The following KCNH8 variants were observed in gnomAD, a reference collection of about 807,000 sequenced individuals.
KCNH8 encodes potassium voltage-gated channel subfamily H member 8, also known as voltage-gated delayed rectifier potassium channel KCNH8.
A neutral mutation model predicts 103.6 loss-of-function variants in KCNH8; 70 were observed. The observed-to-expected ratio is 0.68, with a 90% confidence interval of 0.56 to 0.82. KCNH8 has a LOEUF of 0.82. Ranked by LOEUF, KCNH8 falls within the 40% of genes least tolerant of loss-of-function variation. The pLI, the probability that KCNH8 is intolerant of heterozygous loss-of-function variation, is 0.00. For synonymous variants in KCNH8, 498 were observed against 489.4 expected (o/e 1.02, Z -0.23); for missense variants, 1,217 against 1,329.9 (o/e 0.92, Z 1.32).
In KCNH8 at chr3:19,470,578, G is replaced by T. The variant is rs546162541; in HGVS notation, c.2040+13596G>T. Among the ~76,000 whole-genome samples, 279 of 152,270 alleles carry T rather than the reference G, an allele frequency of 1.8e-3. 1 individual carries two copies. The highest frequency in any genetic ancestry group is 6.5e-3 in the African/African-American group (271 of 41,532). On this transcript the variant is annotated intron_variant, in intron 11 of 15. Coordinates refer to ENST00000328405, the MANE Select transcript of KCNH8 (RefSeq NM_144633.3). ...GCCCATCCAGCTTTCACTAATTATT[G>T]TGAATGGCAGAGTGATCGGGGGCTT...
In KCNH8 at chr3:19,202,761, C is replaced by T. The variant is rs11917735; in HGVS notation, c.77-50893C>T. 7.6e-3 allele frequency among the ~76,000 whole-genome samples: 1,159 copies of T among 152,042 alleles called. 13 individuals are homozygous for T. The highest frequency in any genetic ancestry group is 0.026 in the African/African-American group (1,068 of 41,462). On this transcript the variant is annotated intron_variant, in intron 1 of 15. Transcript: ENST00000328405. ...AACCTTTTTTATTTTGGAATCAACC[C>T]TTTTGGCTTCAATAACAGAGTAAAA...
At chr3:19,497,645 T>C (rs1260079340) in intron 11 of KCNH8, among the ~76,000 whole-genome samples, 1 of 152,162 alleles carries the variant, frequency 6.6e-6, no homozygotes, top group Admixed American at 6.5e-5. Flanking sequence ...TGCTGAGGGT[T>C]ATTTTATGTC....
At chr3:19,479,519 G>A (rs1049414784) in intron 11 of KCNH8, among the ~76,000 whole-genome samples, 1 of 152,106 alleles carries the variant, frequency 6.6e-6, no homozygotes, top group African/African-American at 2.4e-5. Context: ...TGAAATGTCA[G>A]ATTTGTTTAC....
At chr3:19,506,565 T>C (rs1192166911) in intron 11 of KCNH8, among the ~76,000 whole-genome samples, 1 of 152,136 alleles carries the variant, frequency 6.6e-6, no homozygotes, top group Non-Finnish European at 1.5e-5. Flanking sequence ...CTCTCAGTGC[T>C]CTGACAGTGT....
rs540393388 is a variant in KCNH8, at chr3:19,319,823, T to C, written c.443-22764T>C. On this transcript the variant is annotated intron_variant, in intron 3 of 15. Coordinates refer to ENST00000328405, the MANE Select transcript of KCNH8 (RefSeq NM_144633.3). ...GCATGGGATATGTTTCCGTTTGTGT[T>C]GTCTATGATTTCTTTCAGCAGTGTT... Among the ~76,000 whole-genome samples the C allele has an allele frequency of 2.0e-5, 3 of 151,922 alleles. No individual in the cohort carries two copies. The East Asian group carries it at 5.8e-4, about 29-fold the overall frequency.
intron 11 of KCNH8, among the ~76,000 whole-genome samples, chr3:19,478,056 C>G (rs2068012438): frequency 6.6e-6 from 1 of 152,110 alleles, no homozygotes; most frequent in South Asian, 2.1e-4. Flanking sequence ...GGATAATGGC[C>G]TCCAGTTACA....
chr3:19,307,650 G>T (rs2065147302), intron 3 of KCNH8, among the ~76,000 whole-genome samples: 1 of 151,884 alleles, frequency 6.6e-6, no homozygotes, highest in Non-Finnish European at 1.5e-5. Flanking sequence ...ATCAACTTAG[G>T]TGTCTAAAAA....
At chr3:19,150,520 A>T (rs2063118828) in intron 1 of KCNH8, among the ~76,000 whole-genome samples, 1 of 152,188 alleles carries the variant, frequency 6.6e-6, no homozygotes, top group Admixed American at 6.5e-5. Context: ...CTTGGGAATT[A>T]CTGCAGTGAT....
At chr3:19,514,035 A>G (rs899168127) in intron 13 of KCNH8, among the ~76,000 whole-genome samples, 25 of 151,850 alleles carry the variant, frequency 1.6e-4, no homozygotes, top group African/African-American at 6.1e-4. Flanking sequence ...GTATTTTGCG[A>G]GATAATTTCA....
At chr3:19,433,533 T>TA (rs1224094733) in intron 7 of KCNH8, among the ~76,000 whole-genome samples, 2 of 152,160 alleles carry the variant, frequency 1.3e-5, no homozygotes, top group Admixed American at 6.5e-5. Flanking sequence ...TATTTAAGTT[T>TA]AAAAAACTGA....
intron 7 of KCNH8, among the ~76,000 whole-genome samples, chr3:19,412,581 C>T (rs187138887): frequency 2.6e-5 from 4 of 151,866 alleles, no homozygotes; most frequent in African/African-American, 9.6e-5. Context: ...AAAGAAACTA[C>T]CAACAGAATA....
chr3:19,227,544 G>T (rs1228292023), intron 1 of KCNH8, among the ~76,000 whole-genome samples: 1 of 152,146 alleles, frequency 6.6e-6, no homozygotes, highest in Admixed American at 6.5e-5. Context: ...GCTTGAGAAG[G>T]AGTATACACA....
In KCNH8 at chr3:19,534,067, G is replaced by C; in HGVS notation, c.3292G>C (p.Glu1098Gln). ...ACTGGAAGTTGTCACAAGCACAGCA[G>C]AAGTGAAAGATAACAAAGCCATAAA... ...LPLEVVTSTA[E>Q]VKDNKAINV is the part of the protein sequence containing the mutation. Residue 1098 changes from glutamate (E) to glutamine (Q), a missense_variant, in exon 16 of 16, where the codon GAA becomes CAA. By Grantham distance (29) the Glu-to-Gln change is conservative (BLOSUM62 2). Around this residue, in one of 3 missense-constraint regions of KCNH8, gnomAD observed 558 missense variants for 495.8 expected, o/e 1.13. Coordinates refer to ENST00000328405, the MANE Select transcript of KCNH8 (RefSeq NM_144633.3). 6.2e-7 allele frequency: 1 copy of C among 1,613,984 alleles called. No individual in the cohort carries two copies. Among genetic ancestry groups the C allele is most frequent in the Non-Finnish European group, 8.5e-7 (1 of 1,179,910 alleles).
intron 7 of KCNH8, among the ~76,000 whole-genome samples, chr3:19,434,674 GA>G (rs1278579757): frequency 6.6e-6 from 1 of 152,198 alleles, no homozygotes; most frequent in Non-Finnish European, 1.5e-5. Context: ...GAATTGTGGA[GA>G]GGGGGGAAAC....
intron 8 of KCNH8, among the ~76,000 whole-genome samples, chr3:19,441,439 TC>T (rs2067282689): frequency 6.6e-6 from 1 of 152,238 alleles, no homozygotes; most frequent in African/African-American, 2.4e-5. Flanking sequence ...TTCTAAATCT[TC>T]CAACTGATGC....
Position 19,209,710 on chromosome 3 carries a change from G to T in KCNH8, c.77-43944G>T, listed in dbSNP as rs2063750944. On this transcript the variant is annotated intron_variant, in intron 1 of 15. Transcript: ENST00000328405. ...AACAAAAATCAGCTTTGCTTATAGGGAGGTGTATGTATTGTCAATGGTAGC... is the reference window on the plus strand; with the variant it reads ...AACAAAAATCAGCTTTGCTTATAGGTAGGTGTATGTATTGTCAATGGTAGC... Among the ~76,000 whole-genome samples, 2 of 150,822 alleles carry T rather than the reference G, an allele frequency of 1.3e-5. 1 individual carries two copies. The highest frequency in any genetic ancestry group is 1.3e-4 in the Admixed American group (2 of 15,192).
chr3:19,424,637 A>G (rs2067000106), intron 7 of KCNH8, among the ~76,000 whole-genome samples: 1 of 152,080 alleles, frequency 6.6e-6, no homozygotes, highest in Non-Finnish European at 1.5e-5. Context: ...AAAAAGGAGG[A>G]AATGATCAGA....
intron 13 of KCNH8, among the ~76,000 whole-genome samples, chr3:19,513,905 G>C (rs139710080): frequency 6.6e-6 from 1 of 151,982 alleles, no homozygotes; most frequent in Non-Finnish European, 1.5e-5. Flanking sequence ...TCCTGATTCC[G>C]AAGATGTTCA....
At chr3:19,522,779 G>T (rs1196415939) in intron 15 of KCNH8, among the ~76,000 whole-genome samples, 1 of 151,730 alleles carries the variant, frequency 6.6e-6, no homozygotes, top group East Asian at 1.9e-4. Flanking sequence ...TTCCCCTTTA[G>T]CGATATAATA....
Sources: gnomAD v4.1 joint callset for allele counts (sites outside exome capture counted in the v4.1 genomes callset) on GRCh38, gnomAD v4.1.1 for gene constraint, gnomAD v4.1.1 regional missense constraint, MANE v1.5 for transcripts, NCBI Gene and HGNC (gene_info 2026-07-23, HGNC 2026-07-21) for gene names.